Variants in PTGER3 observed in about 807,000 individuals in gnomAD.
PTGER3 encodes prostaglandin E receptor 3.
A neutral mutation model predicts 34.7 loss-of-function variants in PTGER3; 22 were observed. The ratio of observed to expected loss-of-function variants is 0.63; its 90% CI spans 0.45 to 0.91. The LOEUF (loss-of-function observed/expected upper bound fraction) is 0.91. Ranked by LOEUF, PTGER3 falls within the 40% of genes least tolerant of loss-of-function variation. The pLI is 0.00. For missense variants in PTGER3, 468 were observed against 519.4 expected (o/e 0.90, Z 0.96); for synonymous variants, 241 against 230.1 (o/e 1.05, Z -0.43).
chr1:70,939,328 G>A (rs1649541675), intron 4 of PTGER3, among the ~76,000 whole-genome samples: 1 of 152,212 alleles, frequency 6.6e-6, no homozygotes, highest in African/African-American at 2.4e-5. Flanking sequence ...GCTTTCATGA[G>A]CTAGTGTTGA....
At chr1:70,852,556 A>T (rs531083031) in exon 5 of PTGER3, 17 of 456,530 alleles carry the variant, frequency 3.7e-5, no homozygotes, top group Non-Finnish European at 6.5e-5. Context: ...AATTTTCAAT[A>T]AAAAAATGCA....
At chr1:71,030,450 G>T (rs1027882910) in intron 1 of PTGER3, among the ~76,000 whole-genome samples, 1 of 152,124 alleles carries the variant, frequency 6.6e-6, no homozygotes, top group Non-Finnish European at 1.5e-5. Context: ...CAAGCAAAAA[G>T]AATTCAATAT....
chr1:70,950,118 G>T (rs540826619), downstream of PTGER3, among the ~76,000 whole-genome samples: 3 of 152,262 alleles, frequency 2.0e-5, no homozygotes, highest in East Asian at 5.8e-4. Context: ...ATTTCAGAAG[G>T]TACAGAGTGT....
intron 1 of PTGER3, among the ~76,000 whole-genome samples, chr1:71,022,870 A>G (rs192240490): frequency 1.5e-4 from 23 of 151,790 alleles, no homozygotes; most frequent in Admixed American, 2.6e-4. Context: ...TGTCCTGTCT[A>G]TCTAAGGCAC....
At chr1:71,040,243 T>A (rs1346092396) in intron 1 of PTGER3, among the ~76,000 whole-genome samples, 1 of 152,078 alleles carries the variant, frequency 6.6e-6, no homozygotes, top group Non-Finnish European at 1.5e-5. Context: ...GTGAATTGTC[T>A]AAGGCCAAAA....
downstream of PTGER3, among the ~76,000 whole-genome samples, chr1:70,951,980 G>C (rs765527604): frequency 3.3e-5 from 5 of 151,330 alleles, no homozygotes; most frequent in African/African-American, 7.2e-5. Flanking sequence ...GGAAGAAACA[G>C]AGCTGTAGCA....
intron 4 of PTGER3, among the ~76,000 whole-genome samples, chr1:70,906,143 G>T (rs535317959): frequency 1.3e-5 from 2 of 152,086 alleles, no homozygotes; most frequent in Admixed American, 1.3e-4. Context: ...TGAGGCCTCC[G>T]CAGCCATGTG....
chr1:71,038,931 T>A (rs972190193), intron 1 of PTGER3, among the ~76,000 whole-genome samples: 4 of 152,194 alleles, frequency 2.6e-5, no homozygotes, highest in African/African-American at 4.8e-5. Context: ...AATGACTTGA[T>A]CCTAGACAAC....
At chr1:70,985,861 C>T (rs1422500885) in intron 2 of PTGER3, among the ~76,000 whole-genome samples, 1 of 152,188 alleles carries the variant, frequency 6.6e-6, no homozygotes, top group Non-Finnish European at 1.5e-5. Context: ...CAGTCTGTCA[C>T]AGCTATGATT....
chr1:70,964,960 C>G (rs938129128), intron 2 of PTGER3, among the ~76,000 whole-genome samples: 23 of 152,110 alleles, frequency 1.5e-4, no homozygotes. Flanking sequence ...AATAAACCAA[C>G]AAATTAAACA....
intron 4 of PTGER3, among the ~76,000 whole-genome samples, chr1:70,908,424 G>C (rs1327466): frequency 0.17 from 26,186 of 152,070 alleles, 2,853 homozygotes; most frequent in East Asian, 0.29. Context: ...TGATACCTCA[G>C]CTCCTTCTCC....
chr1:71,026,114 G>A (rs182390796), intron 1 of PTGER3, among the ~76,000 whole-genome samples: 1 of 152,134 alleles, frequency 6.6e-6, no homozygotes, highest in Admixed American at 6.6e-5. Flanking sequence ...CTCAGTATTG[G>A]CATCAGGAAC....
chr1:71,039,879 A>G (rs1660154013), intron 1 of PTGER3, among the ~76,000 whole-genome samples: 1 of 152,110 alleles, frequency 6.6e-6, no homozygotes, highest in Non-Finnish European at 1.5e-5. Flanking sequence ...TCACAGTGGT[A>G]TTCCTCATAT....
intron 1 of PTGER3, among the ~76,000 whole-genome samples, chr1:71,039,420 G>A (rs947864715): frequency 2.6e-5 from 4 of 152,028 alleles, no homozygotes; most frequent in Non-Finnish European, 4.4e-5. Flanking sequence ...GGAGGCTGAG[G>A]TGGATGGATC....
chr1:71,025,504 A>T (rs1658847738), intron 1 of PTGER3, among the ~76,000 whole-genome samples: 1 of 151,738 alleles, frequency 6.6e-6, no homozygotes, highest in African/African-American at 2.4e-5. Context: ...ATATCATCAA[A>T]TTTCTAATAC....
At chr1:71,027,962 T>C (rs1659081974) in intron 1 of PTGER3, among the ~76,000 whole-genome samples, 1 of 152,216 alleles carries the variant, frequency 6.6e-6, no homozygotes, top group Non-Finnish European at 1.5e-5. Context: ...ACTATGCTAC[T>C]ATGCTGTATA....
At chr1:70,994,143 C>T (rs1027154928) in intron 2 of PTGER3, among the ~76,000 whole-genome samples, 1 of 152,170 alleles carries the variant, frequency 6.6e-6, no homozygotes, top group African/African-American at 2.4e-5. Context: ...CTCAGCCTGG[C>T]CATTCTCCAG....
At chr1:70,901,205 G>A (rs1365771516) in intron 4 of PTGER3, among the ~76,000 whole-genome samples, 1 of 152,146 alleles carries the variant, frequency 6.6e-6, no homozygotes, top group African/African-American at 2.4e-5. Flanking sequence ...TTTGGAGTGG[G>A]GCAGGCTTCT....
intron 2 of PTGER3, among the ~76,000 whole-genome samples, chr1:70,998,039 G>C (rs570129434): frequency 6.6e-6 from 1 of 152,344 alleles, no homozygotes; most frequent in East Asian, 1.9e-4. Context: ...CACCTTTCTA[G>C]ATTAAGTCAG....
Sources: allele counts gnomAD v4.1 joint callset (sites outside exome capture counted in the v4.1 genomes callset), GRCh38; gene constraint gnomAD v4.1.1; transcripts MANE v1.5; gene names NCBI Gene and HGNC (gene_info 2026-07-23, HGNC 2026-07-21).